The following FRMD3 variants were observed in gnomAD, a reference collection of about 807,000 sequenced individuals.
FRMD3 encodes the protein FERM domain containing 3.
In FRMD3, 33 loss-of-function variants were observed where a neutral mutation model predicts 70.2. The ratio of observed to expected loss-of-function variants is 0.47; its 90% CI spans 0.36 to 0.63. The LOEUF (loss-of-function observed/expected upper bound fraction) is 0.63. Among genes scored for constraint, FRMD3 ranks in the 20% least tolerant of loss-of-function variants. The pLI, the probability that FRMD3 is intolerant of heterozygous loss-of-function variation, is 0.00. For synonymous variants in FRMD3, 279 were observed against 255.9 expected (o/e 1.09, Z -0.86); for missense variants, 632 against 711.4 (o/e 0.89, Z 1.27).
intron 1 of FRMD3, among the ~76,000 whole-genome samples, chr9:83,479,675 A>G (rs146570907): frequency 0.14 from 5,575 of 40,130 alleles, 258 homozygotes; most frequent in African/African-American, 0.23. Flanking sequence ...AAGGAAGGAA[A>G]GAAAGAAAGA....
At position 83,310,681 on chromosome 9, in the gene FRMD3, T is replaced by C. The variant is rs1835319183; in HGVS notation, c.774-133A>G. 1.3e-5 allele frequency: 9 copies of C among 668,278 alleles called. No homozygotes were observed. The South Asian group carries it at 1.5e-4, about 11-fold the overall frequency. 41.4% of individuals were successfully genotyped at this position (668,278 alleles called of 1,614,324 possible). ...AACAAGGTATTATCATTGGTGAAGG[T>C]CTAATGGGCAGTGAAAAGCCTCGAG... On this transcript the variant is annotated intron_variant, in intron 8 of 13. Coordinates refer to ENST00000304195, the MANE Select transcript of FRMD3 (RefSeq NM_174938.6).
intron 10 of FRMD3, among the ~76,000 whole-genome samples, chr9:83,302,641 T>G: frequency 6.6e-6 from 1 of 152,234 alleles, no homozygotes; most frequent in South Asian, 2.1e-4. Flanking sequence ...TCAAACCTCT[T>G]CATCGCCTTC....
chr9:83,296,437 C>T (rs1834664177), intron 12 of FRMD3, among the ~76,000 whole-genome samples: 1 of 152,214 alleles, frequency 6.6e-6, no homozygotes, highest in Non-Finnish European at 1.5e-5. Context: ...ATGTGGCAAG[C>T]ACTGTGTTAG....
At chr9:83,476,349 A>T (rs1587891067) in intron 1 of FRMD3, among the ~76,000 whole-genome samples, 1 of 147,676 alleles carries the variant, frequency 6.8e-6, no homozygotes, top group South Asian at 2.1e-4. Context: ...ACTCCATTAC[A>T]CTCCAGCCTA....
chr9:83,294,598 G>A (rs777906276), intron 12 of FRMD3, among the ~76,000 whole-genome samples: 1 of 152,100 alleles, frequency 6.6e-6, no homozygotes, highest in East Asian at 1.9e-4. Context: ...TTTTCTCTTA[G>A]TGCGTCTTGC....
the FRMD3 span, among the ~76,000 whole-genome samples, chr9:83,572,537 G>A: frequency 1.3e-5 from 2 of 152,190 alleles, no homozygotes; most frequent in African/African-American, 2.4e-5. Flanking sequence ...AGGAGGCAGC[G>A]TCAGAGTTTG....
intron 1 of FRMD3, among the ~76,000 whole-genome samples, chr9:83,420,201 G>C (rs536554338): frequency 2.6e-5 from 4 of 152,148 alleles, no homozygotes; most frequent in Non-Finnish European, 5.9e-5. Flanking sequence ...CAGGCAGATG[G>C]GAGAGCCTCA....
At chr9:83,475,623 G>GA (rs1217712343) in intron 1 of FRMD3, among the ~76,000 whole-genome samples, 2 of 151,934 alleles carry the variant, frequency 1.3e-5, no homozygotes, top group East Asian at 3.9e-4. Context: ...CAAATTTGAG[G>GA]AAAAAAATTC....
chr9:83,393,848 C>T (rs780407953), intron 1 of FRMD3, among the ~76,000 whole-genome samples: 3 of 152,014 alleles, frequency 2.0e-5, no homozygotes, highest in South Asian at 2.1e-4. Context: ...TTCTGAGGCC[C>T]GGGGATTGGA....
At chr9:83,381,994 C>A (rs1014793918) in intron 2 of FRMD3, among the ~76,000 whole-genome samples, 3 of 151,822 alleles carry the variant, frequency 2.0e-5, no homozygotes, top group Non-Finnish European at 4.4e-5. Flanking sequence ...GTCCCTACTC[C>A]CAAGAAATCT....
chr9:83,275,666 C>T (rs534297234), intron 13 of FRMD3, among the ~76,000 whole-genome samples: 3 of 152,234 alleles, frequency 2.0e-5, no homozygotes, highest in East Asian at 3.9e-4. Context: ...GATAATTGTC[C>T]ATCTCCTCTC....
intron 1 of FRMD3, among the ~76,000 whole-genome samples, chr9:83,443,452 G>A (rs538621200): frequency 4.6e-5 from 7 of 152,242 alleles, no homozygotes; most frequent in Non-Finnish European, 8.8e-5. Flanking sequence ...CACCCATGTC[G>A]CTACAAAGGA....
At chr9:83,513,145 C>G (rs1279861744) in intron 1 of FRMD3, among the ~76,000 whole-genome samples, 1 of 152,192 alleles carries the variant, frequency 6.6e-6, no homozygotes, top group East Asian at 1.9e-4. Flanking sequence ...GACAAAAACC[C>G]AACAGATCTT....
chr9:83,297,476 C>G, intron 12 of FRMD3: 1 of 240,284 alleles, frequency 4.2e-6, no homozygotes, highest in Non-Finnish European at 8.5e-6. Context: ...GTTTCTTTGT[C>G]TACAAAACAG....
the FRMD3 span, among the ~76,000 whole-genome samples, chr9:83,556,281 T>C: frequency 6.6e-6 from 1 of 152,240 alleles, no homozygotes; most frequent in Non-Finnish European, 1.5e-5. Context: ...GGCCACCTTC[T>C]GTGAAATTCC....
the FRMD3 span, among the ~76,000 whole-genome samples, chr9:83,567,921 A>G: frequency 6.6e-6 from 1 of 152,200 alleles, no homozygotes; most frequent in Non-Finnish European, 1.5e-5. Flanking sequence ...CCTGTTACCC[A>G]GTTCCAAAGT....
intron 1 of FRMD3, among the ~76,000 whole-genome samples, chr9:83,510,726 C>T (rs1424491766): frequency 6.6e-6 from 1 of 152,176 alleles, no homozygotes; most frequent in Non-Finnish European, 1.5e-5. Context: ...CATGAGTGAA[C>T]CTTGAAAATC....
intron 3 of FRMD3, among the ~76,000 whole-genome samples, chr9:83,368,142 T>A (rs1824849262): frequency 6.6e-6 from 1 of 151,932 alleles, no homozygotes; most frequent in Non-Finnish European, 1.5e-5. Context: ...TGGTTGCGAG[T>A]TGTTGGAAGG....
chr9:83,479,370 AGAG>A (rs1242817140), intron 1 of FRMD3, among the ~76,000 whole-genome samples: 4 of 131,874 alleles, frequency 3.0e-5, no homozygotes, highest in Non-Finnish European at 4.8e-5. Flanking sequence ...AGGAAGAAGA[AGAG>A]GAGGAGGAGG....
Sources: allele counts gnomAD v4.1 joint callset (sites outside exome capture counted in the v4.1 genomes callset), GRCh38; gene constraint gnomAD v4.1.1; transcripts MANE v1.5; gene names NCBI Gene and HGNC (gene_info 2026-07-23, HGNC 2026-07-21).